Variants in CELF2 observed in about 807,000 individuals in gnomAD.
CELF2 encodes CUG triplet repeat RNA-binding protein 2.
A neutral mutation model predicts 62.6 loss-of-function variants in CELF2; 8 were observed. That is an observed-to-expected ratio of 0.13 (90% confidence interval 0.07 to 0.23). CELF2 has a LOEUF of 0.23. Ranked by LOEUF, CELF2 falls within the 10% of genes least tolerant of loss-of-function variation. CELF2 has a pLI of 1.00. For synonymous variants in CELF2, 258 were observed against 250.0 expected (o/e 1.03, Z -0.30); for missense variants, 333 against 671.0 (o/e 0.50, Z 5.56).
At chr10:10,522,164 A>G in the CELF2 span, among the ~76,000 whole-genome samples, 2 of 152,224 alleles carry the variant, frequency 1.3e-5, no homozygotes, top group Non-Finnish European at 1.5e-5. Flanking sequence ...ATGGGACCCA[A>G]GAGCCCTTCT....
chr10:11,111,367 C>G (rs1197992825), intron 1 of CELF2, among the ~76,000 whole-genome samples: 1 of 152,066 alleles, frequency 6.6e-6, no homozygotes, highest in African/African-American at 2.4e-5. Flanking sequence ...TGTTGCGAGG[C>G]CTTTGTTACT....
chr10:11,133,621 T>C (rs1331113376), intron 1 of CELF2, among the ~76,000 whole-genome samples: 1 of 152,204 alleles, frequency 6.6e-6, no homozygotes, highest in East Asian at 1.9e-4. Context: ...TTAAGCCTAA[T>C]CTGATACATA....
At chr10:11,170,130 G>C (rs2068392407) in intron 2 of CELF2, among the ~76,000 whole-genome samples, 1 of 152,176 alleles carries the variant, frequency 6.6e-6, no homozygotes, top group Admixed American at 6.5e-5. Flanking sequence ...TAGACATGCA[G>C]TTTGTTTGTT....
At chr10:10,746,733 TAGTA>T in the CELF2 span, among the ~76,000 whole-genome samples, 7 of 152,196 alleles carry the variant, frequency 4.6e-5, no homozygotes, top group South Asian at 2.1e-4. Flanking sequence ...TTGCTATTCT[TAGTA>T]AGTATTAATA....
intron 7 of CELF2, among the ~76,000 whole-genome samples, chr10:11,272,517 CTG>C (rs1219775143): frequency 6.6e-6 from 1 of 152,210 alleles, no homozygotes; most frequent in African/African-American, 2.4e-5. Flanking sequence ...CGTGTCCACT[CTG>C]TCTTCTAGCA....
At chr10:10,760,517 A>G in the CELF2 span, among the ~76,000 whole-genome samples, 5 of 152,222 alleles carry the variant, frequency 3.3e-5, no homozygotes, top group South Asian at 2.1e-4. Context: ...ACGTCGATAC[A>G]GTTTACCATC....
intron 3 of CELF2, among the ~76,000 whole-genome samples, chr10:11,232,309 T>TA (rs2069037657): frequency 6.6e-6 from 1 of 152,214 alleles, no homozygotes; most frequent in Non-Finnish European, 1.5e-5. Context: ...TAGTCGGGGC[T>TA]AAAAAATAGC....
chr10:10,914,353 C>T lies in CELF2; in HGVS notation c.54-5611C>T, dbSNP rs183624952. Among the ~76,000 whole-genome samples the T allele has an allele frequency of 6.8e-4, 103 of 152,190 alleles. 1 individual carries two copies. Among genetic ancestry groups the T allele is most frequent in the African/African-American group, 2.2e-3 (91 of 41,512 alleles). On this transcript the variant is annotated intron_variant, in intron 1 of 13. Transcript: ENST00000636488. The stretch of plus-strand genomic sequence containing the variant: ...AACACTTCCTAAAAAAAGAACTGCT[C>T]GCATAGTTCAGGAACGGGGAAGGAC...
At chr10:10,667,451 GT>G in the CELF2 span, among the ~76,000 whole-genome samples, 3 of 152,268 alleles carry the variant, frequency 2.0e-5, no homozygotes, top group South Asian at 6.2e-4. Context: ...AAAAGGAGAT[GT>G]TTTTTAGCAC....
rs1337263103 is a variant in CELF2, at chr10:11,312,948, AAGG to A, written c.977-1188_977-1186del. 1.6e-4 allele frequency among the ~76,000 whole-genome samples: 25 copies of A among 152,194 alleles called. 1 individual carries two copies. Among genetic ancestry groups the A allele is most frequent in the Admixed American group, 1.6e-3 (24 of 15,274 alleles). ...GCCTCTGTCTCAAAGGACAGCAAGA[AAGG>A]AGAGAAAAAAATGTAATATTAGCAG... On this transcript the variant is annotated intron_variant, in intron 9 of 12. Coordinates refer to ENST00000633077, the MANE Select transcript of CELF2 (RefSeq NM_001326342.2).
At chr10:10,663,642 A>T in the CELF2 span, among the ~76,000 whole-genome samples, 3 of 152,232 alleles carry the variant, frequency 2.0e-5, no homozygotes, top group African/African-American at 7.2e-5. Flanking sequence ...ACAGGGTAAG[A>T]TGATAAGAAA....
chr10:10,756,265 T>C, the CELF2 span, among the ~76,000 whole-genome samples: 8 of 152,224 alleles, frequency 5.3e-5, no homozygotes, highest in Non-Finnish European at 1.2e-4. Flanking sequence ...ACAGCAGACC[T>C]TTCAAAAGTT....
At chr10:10,675,208 AG>A in the CELF2 span, among the ~76,000 whole-genome samples, 55 of 152,274 alleles carry the variant, frequency 3.6e-4, no homozygotes, top group Middle Eastern at 3.4e-3. Flanking sequence ...TATTTTTCTA[AG>A]AAAGTCCTTA....
At chr10:11,152,226 G>A (rs562193099) in intron 1 of CELF2, among the ~76,000 whole-genome samples, 1 of 152,320 alleles carries the variant, frequency 6.6e-6, no homozygotes, top group Admixed American at 6.5e-5. Flanking sequence ...TGTAGTCACT[G>A]CGAAACTGGA....
the CELF2 span, among the ~76,000 whole-genome samples, chr10:10,689,555 G>C: frequency 1.3e-5 from 2 of 152,076 alleles, no homozygotes; most frequent in Admixed American, 1.3e-4. Context: ...ATACTTCATA[G>C]CACTATGAAA....
chr10:11,318,086 G>A lies in CELF2; in HGVS notation c.1097-3103G>A, dbSNP rs1167735757. The stretch of plus-strand genomic sequence containing the variant: ...AGAGGAAATCAAGTGCCTGCAGCTG[G>A]GTTGACCAACACTGTCTTTGATAGA... On this transcript the variant is annotated intron_variant, in intron 10 of 12. Transcript: ENST00000633077. This position sits in a 1 kb window ranked among gnomAD's most constrained non-coding sequence, Gnocchi z 5.4. 2.6e-5 allele frequency: 4 copies of A among 152,206 alleles called. No homozygotes were observed. The highest frequency in any genetic ancestry group is 7.2e-5 in the African/African-American group (3 of 41,438). 9.4% of individuals were successfully genotyped at this position (152,206 alleles called of 1,614,324 possible).
At chr10:11,106,216 T>TTTATTTAC (rs1178331961) in intron 1 of CELF2, among the ~76,000 whole-genome samples, 5 of 99,032 alleles carry the variant, frequency 5.0e-5, no homozygotes, top group African/African-American at 1.3e-4. Context: ...ATTTTATTTA[T>TTTATTTAC]TTATTTATTT....
At chr10:11,020,677 C>T (rs776841533) in intron 1 of CELF2, among the ~76,000 whole-genome samples, 1 of 152,162 alleles carries the variant, frequency 6.6e-6, no homozygotes, top group Non-Finnish European at 1.5e-5. Flanking sequence ...AGAATATTTT[C>T]AATGGCGTTT....
At chr10:11,063,768 A>G (rs113332264) in intron 1 of CELF2, among the ~76,000 whole-genome samples, 7 of 152,284 alleles carry the variant, frequency 4.6e-5, no homozygotes, top group African/African-American at 1.7e-4. Flanking sequence ...GGTGGTTTTC[A>G]TTTTGATCCA....
Sources: gnomAD v4.1 joint callset for allele counts (sites outside exome capture counted in the v4.1 genomes callset) on GRCh38, gnomAD v4.1.1 for gene constraint, Gnocchi (gnomAD v3.1) non-coding constraint, MANE v1.5 for transcripts, NCBI Gene and HGNC (gene_info 2026-07-23, HGNC 2026-07-21) for gene names.